Variants in ZNF613 observed in about 807,000 individuals in gnomAD.
ZNF613 encodes zinc finger protein 613.
Under a neutral mutation model 14.3 loss-of-function variants are expected in ZNF613, and 8 were observed. The ratio of observed to expected loss-of-function variants is 0.56; its 90% CI spans 0.33 to 1.01. The LOEUF (loss-of-function observed/expected upper bound fraction) is 1.01. Ranked by LOEUF, ZNF613 falls within the 50% of genes least tolerant of loss-of-function variation. The pLI is 0.03. For synonymous variants in ZNF613, 228 were observed against 254.5 expected (o/e 0.90, Z 0.99); for missense variants, 656 against 741.9 (o/e 0.88, Z 1.35).
Position 51,945,566 on chromosome 19 carries a change from T to G in ZNF613, c.1683T>G (p.Asp561Glu), listed in dbSNP as rs771724940. 3 of 1,614,130 alleles carry G rather than the reference T, an allele frequency of 1.9e-6. No individual in the cohort carries two copies. The South Asian group carries it at 3.3e-5, about 18-fold the overall frequency. The change falls in exon 6 of 6, where the codon GAT becomes GAG. Residue 561 changes from aspartate (D) to glutamate (E), a missense_variant. Coordinates refer to ENST00000293471, the MANE Select transcript of ZNF613 (RefSeq NM_001031721.4). ...SESHSLSHTR[D>E]LIQDKDSVNM... ...GTCATAGCTTATCACATACACGTGATCTCATACAGGATAAAGACTCTGTTA... is the reference window on the plus strand; with the variant it reads ...GTCATAGCTTATCACATACACGTGAGCTCATACAGGATAAAGACTCTGTTA...
At position 51,938,725 on chromosome 19, in the gene ZNF613, G is replaced by GATAT. The variant is rs113608259; in HGVS notation, c.16-1461_16-1458dup. Among the ~76,000 whole-genome samples, 878 of 118,840 alleles carry GATAT rather than the reference G, an allele frequency of 7.4e-3. 9 individuals carry two copies. The highest frequency in any genetic ancestry group is 0.039 in the East Asian group (173 of 4,462). 78.0% of individuals were successfully genotyped at this position (118,840 alleles called of 152,430 possible). Reference sequence around the variant, plus strand: ...AAAAGTAAGTATATAAATGTACATGGATATATATATATATATATATATATA... The same window carrying GATAT: ...AAAAGTAAGTATATAAATGTACATGGATATATATATATATATATATATATATATA... On this transcript the variant is annotated intron_variant, in intron 3 of 5. Transcript: ENST00000293471.
Position 51,945,274 on chromosome 19 carries a change from C to G in ZNF613, c.1391C>G (p.Ser464Cys). 6.2e-7 allele frequency: 1 copy of G among 1,614,068 alleles called. No homozygotes were observed. Among genetic ancestry groups the G allele is most frequent in the Non-Finnish European group, 8.5e-7 (1 of 1,179,998 alleles). ...TTTGTATGTACTGAGTGTGGAAAAT[C>G]CTGCTCACACAAGTCAGGTCTCATT... is the stretch of plus-strand genomic sequence containing the variant. ...TPFVCTECGK[S>C]CSHKSGLINH... Residue 464 changes from serine (S) to cysteine (C), a missense_variant, in exon 6 of 6, where the codon TCC becomes TGC. Physicochemically the swap from Ser to Cys is moderately radical, Grantham distance 112 (BLOSUM62 -1). Transcript: ENST00000293471.
intron 2 of ZNF613, among the ~76,000 whole-genome samples, chr19:51,932,302 CTTTTTTTTTTTTTT>C (rs34474633): frequency 1.1e-5 from 1 of 90,944 alleles, no homozygotes; most frequent in African/African-American, 4.2e-5. Context: ...CTCCCAACAT[CTTTTTTTTTTTTTT>C]TTTTTTTTTT....
At chr19:51,939,418 T>C (rs2085330288) in intron 3 of ZNF613, among the ~76,000 whole-genome samples, 1 of 152,154 alleles carries the variant, frequency 6.6e-6, no homozygotes, top group Non-Finnish European at 1.5e-5. Context: ...AACCTTTGCC[T>C]CCTGGGTTCA....
chr19:51,931,516 T>C (rs2085264071), intron 2 of ZNF613, among the ~76,000 whole-genome samples: 1 of 152,226 alleles, frequency 6.6e-6, no homozygotes. Context: ...CTTTCCAGAA[T>C]AGTTAAAATA....
intron 5 of ZNF613, among the ~76,000 whole-genome samples, chr19:51,941,602 A>G (rs1220384360): frequency 2.0e-5 from 3 of 151,648 alleles, no homozygotes; most frequent in East Asian, 3.9e-4. Flanking sequence ...TCTGTTTCCC[A>G]TTTATTTTGC....
chr19:51,939,710 T>C (rs2085332337), intron 3 of ZNF613, among the ~76,000 whole-genome samples: 1 of 152,184 alleles, frequency 6.6e-6, no homozygotes, highest in South Asian at 2.1e-4. Flanking sequence ...TTGGACATGT[T>C]TTGGAAAGAG....
intron 3 of ZNF613, among the ~76,000 whole-genome samples, chr19:51,938,694 G>A (rs1266495889): frequency 2.1e-5 from 3 of 140,030 alleles, no homozygotes; most frequent in South Asian, 2.3e-4. Flanking sequence ...CCTTTAATAC[G>A]TTAAAAAAAG....
chr19:51,935,220 C>T (rs1281015341), intron 2 of ZNF613, among the ~76,000 whole-genome samples: 2 of 152,170 alleles, frequency 1.3e-5, no homozygotes, highest in African/African-American at 4.8e-5. Context: ...AAGGGTGTAG[C>T]GTGCAGTTTT....
chr19:51,936,383 G>A (rs1425050062), intron 3 of ZNF613, 148 bp downstream of exon 3: 4 of 760,238 alleles, frequency 5.3e-6, no homozygotes, highest in Non-Finnish European at 6.2e-6. Flanking sequence ...CAACATCTAG[G>A]CAAAGTAGGA....
intron 5 of ZNF613, among the ~76,000 whole-genome samples, chr19:51,943,355 C>T (rs1476097475): frequency 6.6e-6 from 1 of 152,210 alleles, no homozygotes; most frequent in Non-Finnish European, 1.5e-5. Flanking sequence ...ACATTGCTCA[C>T]CATTCCAAGG....
rs778619650 is a variant in ZNF613 at position 51,945,076 on chromosome 19, A to C, written c.1193A>C (p.Lys398Thr). 6.2e-7 allele frequency: 1 copy of C among 1,614,180 alleles called. No homozygotes were observed. Among genetic ancestry groups the C allele is most frequent in the South Asian group, 1.1e-5 (1 of 91,086 alleles). Residue 398 changes from lysine to threonine, a missense_variant, in exon 6 of 6, where the codon AAA (lysine) becomes ACA (threonine). Coordinates refer to ENST00000293471, the MANE Select transcript of ZNF613 (RefSeq NM_001031721.4). Reference sequence around the variant, plus strand: ...CATCAGCGAATTCATACTGGAGAAAAACCCTATATATGCAATGAATGTGGA... The same window carrying C: ...CATCAGCGAATTCATACTGGAGAAACACCCTATATATGCAATGAATGTGGA... ...IVHQRIHTGE[K>T]PYICNECGKG...
At chr19:51,935,291 A>T (rs2085297617) in intron 2 of ZNF613, among the ~76,000 whole-genome samples, 1 of 152,192 alleles carries the variant, frequency 6.6e-6, no homozygotes, top group Non-Finnish European at 1.5e-5. Context: ...GTCAGATTAT[A>T]TGTCTATGAC....
At chr19:51,935,317 T>C (rs1394313273) in intron 2 of ZNF613, among the ~76,000 whole-genome samples, 1 of 152,188 alleles carries the variant, frequency 6.6e-6, no homozygotes, top group African/African-American at 2.4e-5. Flanking sequence ...CCATCTTCCA[T>C]GATGAATGAA....
Position 51,945,501 on chromosome 19 carries a change from T to C in ZNF613, c.1618T>C (p.Cys540Arg), listed in dbSNP as rs1029367175. The change falls in exon 6 of 6, where the codon TGT (cysteine) becomes CGT (arginine). Residue 540 changes from cysteine to arginine, a missense_variant. By Grantham distance (180) the Cys-to-Arg change is radical. Transcript: ENST00000293471. ...GGGAATGCTGCATGCAAGAGAGAAA[T>C]GTGTAGGTTCAGTCAAATTGGAAAA... ...HKGMLHAREK[C>R]VGSVKLENPC... 1.9e-6 allele frequency: 3 copies of C among 1,614,004 alleles called. No individual in the cohort carries two copies. Among genetic ancestry groups the C allele is most frequent in the Non-Finnish European group, 2.5e-6 (3 of 1,180,008 alleles).
At chr19:51,941,360 G>A (rs908018426) in intron 5 of ZNF613, among the ~76,000 whole-genome samples, 2 of 152,062 alleles carry the variant, frequency 1.3e-5, no homozygotes, top group Non-Finnish European at 2.9e-5. Context: ...TACTTCTCTT[G>A]CTATGAAATT....
chr19:51,934,662 C>T (rs553067771), intron 2 of ZNF613, among the ~76,000 whole-genome samples: 44 of 152,240 alleles, frequency 2.9e-4, no homozygotes, highest in African/African-American at 1.0e-3. Context: ...AGGAAATATA[C>T]TCCTCCAGGG....
chr19:51,939,198 A>C (rs1308397131), intron 3 of ZNF613, among the ~76,000 whole-genome samples: 2 of 152,018 alleles, frequency 1.3e-5, no homozygotes, highest in Admixed American at 6.6e-5. Context: ...TTCATTGACT[A>C]TCTCTTCAGT....
chr19:51,927,478 A>T lies in ZNF613; in HGVS notation c.-421A>T, dbSNP rs1444702201. On this transcript the variant is annotated 5_prime_UTR_variant, in exon 1 of 6. Coordinates refer to ENST00000293471, the MANE Select transcript of ZNF613 (RefSeq NM_001031721.4). ...GCTTGGAGGCTGGGGGAGGGCCCAG[A>T]AGTGGAATAATTCAGGAAAGTGCAG... The T allele has an allele frequency of 1.3e-5, 2 of 151,208 alleles. No homozygotes were observed. The highest frequency in any genetic ancestry group is 2.9e-5 in the Non-Finnish European group (2 of 68,084). The allele number at this position is 151,208 out of a possible 1,614,324, so 9.4% of individuals were successfully genotyped here. A position where few individuals can be genotyped will look rare whatever the true frequency, so the allele number is the denominator to read the frequency against.
Sources: allele counts gnomAD v4.1 joint callset (sites outside exome capture counted in the v4.1 genomes callset), GRCh38; gene constraint gnomAD v4.1.1; transcripts MANE v1.5; gene names NCBI Gene and HGNC (gene_info 2026-07-23, HGNC 2026-07-21).